Variants in SLC25A28 observed in about 807,000 individuals in gnomAD.
SLC25A28 encodes the protein solute carrier family 25 member 28.
SLC25A28 carries 10 observed loss-of-function variants against 31.9 expected under a neutral mutation model. The observed-to-expected ratio is 0.31, with a 90% CI of 0.19 to 0.53. The LOEUF is 0.53. Among genes scored for constraint, SLC25A28 ranks in the 20% least tolerant of loss-of-function variants. SLC25A28 has a pLI of 0.95. For synonymous variants in SLC25A28, 208 were observed against 203.6 expected (o/e 1.02, Z -0.19); for missense variants, 256 against 490.3 (o/e 0.52, Z 4.51).
At position 99,620,139 on chromosome 10, in the gene SLC25A28, A is replaced by C; in HGVS notation, c.197T>G (p.Leu66Arg). 6.3e-7 allele frequency: 1 copy of C among 1,579,046 alleles called. No individual in the cohort carries two copies. The highest frequency in any genetic ancestry group is 8.5e-7 in the Non-Finnish European group (1 of 1,170,640). ...CGTGGTGACAGTGGCTCCAGCCGGC[A>C]GCGCCTCGTAGTCCGGGCCGGAGTC... The part of the protein sequence containing the change: ...DPDSGPDYEA[L>R]PAGATVTTHM... The change falls in exon 1 of 4, where the codon CTG (leucine) becomes CGG (arginine). Residue 66 changes from leucine (L) to arginine (R), a missense_variant. Around this residue, in one of 4 missense-constraint regions of SLC25A28, gnomAD observed 41 missense variants for 41.7 expected, o/e 0.98. Transcript: ENST00000370495.
intron 1 of SLC25A28, chr10:99,617,323 G>A: frequency 2.6e-5 from 26 of 985,436 alleles, no homozygotes; most frequent in Non-Finnish European, 3.1e-5. Context: ...AGGCTACACT[G>A]ACTTCTCATG....
At chr10:99,646,751 C>A in the SLC25A28 span, among the ~76,000 whole-genome samples, 1 of 152,194 alleles carries the variant, frequency 6.6e-6, no homozygotes, top group Non-Finnish European at 1.5e-5. Flanking sequence ...AAAGTCTGCA[C>A]TTTTAGTGTA....
the SLC25A28 span, among the ~76,000 whole-genome samples, chr10:99,636,908 GAGAA>G: frequency 1.3e-5 from 2 of 152,116 alleles, no homozygotes; most frequent in Admixed American, 1.3e-4. Context: ...CCACAAGATA[GAGAA>G]AGAGAGAACC....
chr10:99,643,476 G>A, the SLC25A28 span, among the ~76,000 whole-genome samples: 2 of 152,048 alleles, frequency 1.3e-5, no homozygotes, highest in East Asian at 3.9e-4. Context: ...TATTAGTCTT[G>A]CTAGCGGTCT....
chr10:99,639,317 G>T, the SLC25A28 span, among the ~76,000 whole-genome samples: 1 of 149,286 alleles, frequency 6.7e-6, no homozygotes, highest in African/African-American at 2.4e-5. Context: ...TGATACAATA[G>T]ATTTTGGGGA....
At chr10:99,645,577 C>T in the SLC25A28 span, among the ~76,000 whole-genome samples, 1 of 152,222 alleles carries the variant, frequency 6.6e-6, no homozygotes, top group African/African-American at 2.4e-5. Flanking sequence ...AGTCATTCTC[C>T]GTCCAGCTTT....
chr10:99,621,011 G>T (rs1273530118), upstream of SLC25A28: 2 of 981,340 alleles, frequency 2.0e-6, no homozygotes, highest in Non-Finnish European at 2.4e-6. Flanking sequence ...CCTGGCCCCG[G>T]AGAGCCGTGT....
At chr10:99,618,109 G>A in intron 1 of SLC25A28, 1 of 295,282 alleles carries the variant, frequency 3.4e-6, no homozygotes, top group Non-Finnish European at 5.0e-6. Context: ...CTTTGTTCTT[G>A]CAAAATCAAT....
the SLC25A28 span, among the ~76,000 whole-genome samples, chr10:99,649,513 T>G: frequency 3.0e-4 from 46 of 152,218 alleles, no homozygotes; most frequent in African/African-American, 1.1e-3. Context: ...CTGAAATAGC[T>G]TCAGAAGAAT....
chr10:99,649,213 AG>A, the SLC25A28 span, among the ~76,000 whole-genome samples: 7 of 152,168 alleles, frequency 4.6e-5, no homozygotes, highest in Non-Finnish European at 1.0e-4. Flanking sequence ...ATGATCATAT[AG>A]GTTTTTGTCC....
the SLC25A28 span, among the ~76,000 whole-genome samples, chr10:99,628,401 C>T: frequency 3.9e-5 from 6 of 152,182 alleles, no homozygotes; most frequent in Non-Finnish European, 5.9e-5. Flanking sequence ...GAAAATATGT[C>T]AAAAACAAAT....
the SLC25A28 span, among the ~76,000 whole-genome samples, chr10:99,648,660 A>T: frequency 6.5e-4 from 92 of 142,552 alleles, no homozygotes; most frequent in Admixed American, 1.2e-3. Flanking sequence ...AAGATCTTTC[A>T]CTTCCTTGGT....
chr10:99,618,309 T>C lies in SLC25A28; in HGVS notation c.291+1736A>G, dbSNP rs188718993. 3.6e-4 allele frequency: 355 copies of C among 984,860 alleles called. 1 individual carries two copies. The African/African-American group carries it at 5.2e-3, about 14-fold the overall frequency. 61.0% of individuals were successfully genotyped at this position (984,860 alleles called of 1,614,324 possible). A position where few individuals can be genotyped will look rare whatever the true frequency, so the allele number is the denominator to read the frequency against. ...GTTAAATTGATAAGTTACAGTAATA[T>C]TTCTAAGACAAATTATTACACTGTA... On this transcript the variant is annotated intron_variant, in intron 1 of 3. Transcript: ENST00000370495.
upstream of SLC25A28, chr10:99,621,619 C>T (rs979489759): frequency 2.6e-5 from 4 of 152,336 alleles, no homozygotes; most frequent in African/African-American, 9.6e-5. Flanking sequence ...CTTAGGACCT[C>T]CTGCTCTAGG....
At chr10:99,620,815 G>A (rs563996631), upstream of SLC25A28, 13 of 985,480 alleles carry the variant, frequency 1.3e-5, no homozygotes, top group Admixed American at 3.1e-4. Flanking sequence ...GACGCGCCCA[G>A]GGACTCTAGG....
intron 2 of SLC25A28, 74 bp from the exon 3 acceptor site, chr10:99,612,673 G>T (rs769792947): frequency 6.5e-7 from 1 of 1,532,422 alleles, no homozygotes; most frequent in Non-Finnish European, 9.0e-7. Flanking sequence ...CCCAGTGAAG[G>T]GGAGTGGCTG....
the SLC25A28 span, among the ~76,000 whole-genome samples, chr10:99,632,072 A>G: frequency 0.85 from 126,643 of 148,318 alleles, 54,157 homozygotes; most frequent in Middle Eastern, 0.93. Flanking sequence ...AATTTTTTGT[A>G]TTTTTAGTAG....
chr10:99,633,667 T>A, the SLC25A28 span, among the ~76,000 whole-genome samples: 5 of 55,320 alleles, frequency 9.0e-5, no homozygotes, highest in African/African-American at 4.4e-4. Context: ...AGACTCTGTC[T>A]TAAGAAAAAA....
the SLC25A28 span, among the ~76,000 whole-genome samples, chr10:99,630,041 CTG>C: frequency 1.3e-5 from 2 of 152,188 alleles, no homozygotes; most frequent in African/African-American, 4.8e-5. Flanking sequence ...GGTAGTGAGA[CTG>C]TAAAGCAGTT....
Sources: gnomAD v4.1 joint callset for allele counts (sites outside exome capture counted in the v4.1 genomes callset) on GRCh38, gnomAD v4.1.1 for gene constraint, gnomAD v4.1.1 regional missense constraint, MANE v1.5 for transcripts, NCBI Gene and HGNC (gene_info 2026-07-23, HGNC 2026-07-21) for gene names.